The following ATP2A3 variants were observed in gnomAD, a reference collection of about 807,000 sequenced individuals.
ATP2A3 encodes the protein sarcoplasmic/endoplasmic reticulum calcium ATPase 3.
Under a neutral mutation model 106.8 loss-of-function variants are expected in ATP2A3, and 61 were observed. The observed-to-expected ratio is 0.57, with a 90% CI of 0.46 to 0.71. The LOEUF is 0.71. Among genes scored for constraint, ATP2A3 ranks in the 30% least tolerant of loss-of-function variants. ATP2A3 has a pLI of 0.00. For synonymous variants in ATP2A3, 611 were observed against 609.3 expected (o/e 1.00, Z -0.04); for missense variants, 1,201 against 1,423.5 (o/e 0.84, Z 2.52).
At chr17:3,950,901 C>T in intron 5 of ATP2A3, 128 bp from the exon 6 acceptor site, 3 of 948,764 alleles carry the variant, frequency 3.2e-6, no homozygotes, top group Non-Finnish European at 4.9e-6. Context: ...GCTCTGGTGA[C>T]CCCTGCCCCT....
At chr17:3,941,698 AC>A in intron 12 of ATP2A3, 44 bp from the exon 13 acceptor site, 8 of 1,583,388 alleles carry the variant, frequency 5.1e-6, no homozygotes, top group Non-Finnish European at 6.8e-6. Flanking sequence ...ATCAGTCAGA[AC>A]CCCTCCTCTC....
rs1322214740 is a variant in ATP2A3, at chr17:3,955,458, A to G, written c.119-1748T>C. On this transcript the variant is annotated intron_variant, in intron 1 of 20. Transcript: ENST00000397041. The surrounding 1 kb of genome is among the most constrained non-coding windows in gnomAD (Gnocchi z 4.2). Reference sequence around the variant, plus strand: ...AGTCCTATTTTCGGCAGTGGCTGACATTTTCCGTGGAAAATGTAATCTCCA... The same window carrying G: ...AGTCCTATTTTCGGCAGTGGCTGACGTTTTCCGTGGAAAATGTAATCTCCA... 1.3e-5 allele frequency among the ~76,000 whole-genome samples: 2 copies of G among 152,174 alleles called. No individual in the cohort carries two copies. Among genetic ancestry groups the G allele is most frequent in the African/African-American group, 2.4e-5 (1 of 41,436 alleles).
chr17:3,956,796 T>G (rs1364419905), intron 1 of ATP2A3, among the ~76,000 whole-genome samples: 1 of 152,212 alleles, frequency 6.6e-6, no homozygotes, highest in Non-Finnish European at 1.5e-5. Flanking sequence ...TGAACCTGAC[T>G]GATACCCCCT....
chr17:3,942,883 C>T lies in ATP2A3; in HGVS notation c.1420-152G>A, dbSNP rs564967616. ...CCCACCATTCAAGGCCTCCATTTCCCTCTCCAGCCCCAGAAATGGCAATAC... is the reference window on the plus strand; with the variant it reads ...CCCACCATTCAAGGCCTCCATTTCCTTCTCCAGCCCCAGAAATGGCAATAC... On this transcript the variant is annotated intron_variant, in intron 11 of 20. Transcript: ENST00000397041. 240 of 1,213,456 alleles carry T rather than the reference C, an allele frequency of 2.0e-4. 3 individuals are homozygous for T. In the South Asian group the frequency reaches 2.7e-3, roughly 14 times the overall value. 75.2% of individuals were successfully genotyped at this position (1,213,456 alleles called of 1,614,324 possible). A position where few individuals can be genotyped will look rare whatever the true frequency, so the allele number is the denominator to read the frequency against.
intron 12 of ATP2A3, 48 bp from the exon 13 acceptor site, chr17:3,941,702 C>T (rs573007703): frequency 6.3e-7 from 1 of 1,579,550 alleles, no homozygotes; most frequent in Non-Finnish European, 8.6e-7. Context: ...GTCAGAACCC[C>T]TCCTCTCCTT....
At chr17:3,943,015 C>T (rs904007758) in intron 11 of ATP2A3, among the ~76,000 whole-genome samples, 5 of 152,180 alleles carry the variant, frequency 3.3e-5, no homozygotes, top group Non-Finnish European at 5.9e-5. Context: ...CAGCCAGGAG[C>T]GGTGGCTCAC....
rs779953617 is a variant in ATP2A3 at position 3,928,808 on chromosome 17, T to C, written c.2863-28A>G. The stretch of plus-strand genomic sequence containing the variant: ...GGCGGGGAGGGGAAGGGAGGTTTGG[T>C]TAAAGGAAGGACTGGCTGTCCCGTG... On this transcript the variant is annotated intron_variant, in intron 19 of 20. Transcript: ENST00000397041. The surrounding 1 kb of genome is among the most constrained non-coding windows in gnomAD (Gnocchi z 6.1). 2 of 1,527,744 alleles carry C rather than the reference T, an allele frequency of 1.3e-6. No homozygotes were observed. The highest frequency in any genetic ancestry group is 1.8e-6 in the Non-Finnish European group (2 of 1,125,778). The allele number at this position is 1,527,744 out of a possible 1,614,324, so 94.6% of individuals were successfully genotyped here.
rs1241545300 is a variant in ATP2A3, at chr17:3,945,074, G to A, written c.1170C>T (p.Thr390=). The change falls in exon 9 of 21, where the codon ACC becomes ACT. Residue 390 remains threonine, a synonymous_variant. Transcript: ENST00000397041. Reference sequence around the variant, plus strand: ...CCCGCACTCACACTTCGCCCTCGGGGGTATACGTGGTACCCGAGATGGTGA... The same window carrying A: ...CCCGCACTCACACTTCGCCCTCGGGAGTATACGTGGTACCCGAGATGGTGA... ...HEFTISGTTY[T]PEGEVRQGDQ... is the part of the protein sequence containing the mutation. The A allele has an allele frequency of 6.5e-6, 10 of 1,545,580 alleles. No homozygotes were observed. Among genetic ancestry groups the A allele is most frequent in the Admixed American group, 2.0e-5 (1 of 50,868 alleles).
In ATP2A3 at chr17:3,929,531, T is replaced by C; in HGVS notation, c.2745-86A>G. The C allele has an allele frequency of 8.5e-7, 1 of 1,180,338 alleles. No individual in the cohort carries two copies. Among genetic ancestry groups the C allele is most frequent in the African/African-American group, 1.5e-5 (1 of 65,534 alleles). 73.1% of individuals were successfully genotyped at this position (1,180,338 alleles called of 1,614,324 possible). A position where few individuals can be genotyped will look rare whatever the true frequency, so the allele number is the denominator to read the frequency against. On this transcript the variant is annotated intron_variant, in intron 18 of 20. Transcript: ENST00000397041. The surrounding 1 kb of genome is among the most constrained non-coding windows in gnomAD (Gnocchi z 4.3). ...ACCCCCATGGGAGGAGCCTCACCAC[T>C]TCTCTAGCGGTGCATTGCTGTTGCC... is the stretch of plus-strand genomic sequence containing the variant.
At chr17:3,937,902 G>A (rs1423749343) in intron 14 of ATP2A3, among the ~76,000 whole-genome samples, 1 of 152,194 alleles carries the variant, frequency 6.6e-6, no homozygotes, top group Non-Finnish European at 1.5e-5. Flanking sequence ...GGGGATGACG[G>A]TGAGTCAGCG....
rs1261731591 is a variant in ATP2A3, at chr17:3,924,526, G to T, written c.*896C>A. Reference sequence around the variant, plus strand: ...GCGCGGCGGCCGCACACTGGGCTGGGTAGAAGGGCGCCACGGTCAGGAACC... The same window carrying T: ...GCGCGGCGGCCGCACACTGGGCTGGTTAGAAGGGCGCCACGGTCAGGAACC... On this transcript the variant is annotated 3_prime_UTR_variant, in exon 21 of 21. Transcript: ENST00000397041. This position sits in a 1 kb window ranked among gnomAD's most constrained non-coding sequence, Gnocchi z 6.4. 5.8e-6 allele frequency: 2 copies of T among 343,612 alleles called. No individual in the cohort carries two copies. Among genetic ancestry groups the T allele is most frequent in the Non-Finnish European group, 1.2e-5 (2 of 172,990 alleles). 21.3% of individuals were successfully genotyped at this position (343,612 alleles called of 1,614,324 possible).
At chr17:3,948,718 C>T (rs2144608051) in intron 7 of ATP2A3, among the ~76,000 whole-genome samples, 2 of 152,210 alleles carry the variant, frequency 1.3e-5, no homozygotes, top group South Asian at 4.1e-4. Context: ...CATGCCCGGC[C>T]CCTCCAAAGC....
rs905068432 is a variant in ATP2A3, at chr17:3,936,536, T to C, written c.2322-67A>G. 3 of 1,556,058 alleles carry C rather than the reference T, an allele frequency of 1.9e-6. No homozygotes were observed. In the Admixed American group the frequency reaches 5.0e-5, roughly 26 times the overall value. On this transcript the variant is annotated intron_variant, in intron 15 of 20. Coordinates refer to ENST00000397041, the MANE Select transcript of ATP2A3 (RefSeq NM_005173.4). This position sits in a 1 kb window ranked among gnomAD's most constrained non-coding sequence, Gnocchi z 5.4. ...CCCGGCAGATGCAGGCTCCAGCTCC[T>C]GCTCAGACCCAAGGCTGGGAGCTCA... is the stretch of plus-strand genomic sequence containing the variant.
intron 8 of ATP2A3, 109 bp from the exon 9 acceptor site, chr17:3,945,257 C>T: frequency 9.4e-7 from 1 of 1,062,998 alleles, no homozygotes; most frequent in Non-Finnish European, 1.4e-6. Context: ...GACCGAGGGC[C>T]AAACCGGCCT....
chr17:3,947,599 A>T lies in ATP2A3; in HGVS notation c.887T>A (p.Phe296Tyr). ...GSWLRGAVYY[F>Y]KIAVALAVAA... ...CACCGCCAGGGCCACGGCGATCTTG[A>T]AGTAGTAGACAGCGCCACGCAGCCA... Residue 296 changes from phenylalanine (F) to tyrosine (Y), a missense_variant, in exon 8 of 21, where the codon TTC becomes TAC. Phe to Tyr is a conservative substitution (Grantham distance 22). This residue lies in a region of ATP2A3 where 935 missense variants were observed against 1,176.7 expected (regional missense o/e 0.79). Coordinates refer to ENST00000397041, the MANE Select transcript of ATP2A3 (RefSeq NM_005173.4). This position sits in a 1 kb window ranked among gnomAD's most constrained non-coding sequence, Gnocchi z 7.7. 1 of 1,612,648 alleles carries T rather than the reference A, an allele frequency of 6.2e-7. No homozygotes were observed. The highest frequency in any genetic ancestry group is 8.5e-7 in the Non-Finnish European group (1 of 1,179,906).
intron 14 of ATP2A3, among the ~76,000 whole-genome samples, chr17:3,938,519 A>T (rs556198080): frequency 6.6e-6 from 1 of 152,208 alleles, no homozygotes; most frequent in Admixed American, 6.5e-5. Context: ...CGTTGAGAAT[A>T]AGGTCTTGGT....
rs367581363 is a variant in ATP2A3, at chr17:3,937,687, C to A, written c.2101-51G>T. ...TGCCTGAGAAACTTCCCTTCCACCT[C>A]CCCATCTCTTCTCAACTCAGCCCAC... On this transcript the variant is annotated intron_variant, in intron 14 of 20. Transcript: ENST00000397041. The A allele has an allele frequency of 7.0e-5, 110 of 1,568,120 alleles. No homozygotes were observed. In the African/African-American group the frequency reaches 1.4e-3, roughly 19 times the overall value.
chr17:3,942,848 C>T (rs1207684672), intron 11 of ATP2A3, 117 bp from the exon 12 acceptor site: 2 of 1,458,814 alleles, frequency 1.4e-6, no homozygotes, highest in Non-Finnish European at 1.9e-6. Flanking sequence ...GACATCTACA[C>T]TCCTCTGACC....
In ATP2A3 at chr17:3,955,157, T is replaced by C. The variant is rs570294448; in HGVS notation, c.119-1447A>G. ...ATCTGTGGCATCTCCCCGAAGCTCG[T>C]TAGCCATGCGGAATCTGAGGCCCCG... On this transcript the variant is annotated intron_variant, in intron 1 of 20. Transcript: ENST00000397041. The surrounding 1 kb of genome is among the most constrained non-coding windows in gnomAD (Gnocchi z 4.2). Among the ~76,000 whole-genome samples the C allele has an allele frequency of 6.6e-6, 1 of 152,372 alleles. No homozygotes were observed. The highest frequency in any genetic ancestry group is 2.4e-5 in the African/African-American group (1 of 41,592).
Sources: allele counts gnomAD v4.1 joint callset (sites outside exome capture counted in the v4.1 genomes callset), GRCh38; gene constraint gnomAD v4.1.1; regional missense constraint gnomAD v4.1.1; non-coding constraint Gnocchi (gnomAD v3.1); transcripts MANE v1.5; gene names NCBI Gene and HGNC (gene_info 2026-07-23, HGNC 2026-07-21).